ST6GAL1: variants seen among roughly 807,000 people sequenced by gnomAD.
The protein encoded by ST6GAL1 is ST6 beta-galactoside alpha-2,6-sialyltransferase 1, also known as beta-galactoside alpha-2,6-sialyltransferase 1.
A neutral mutation model predicts 38.0 loss-of-function variants in ST6GAL1; 20 were observed. The observed-to-expected ratio is 0.53, with a 90% CI of 0.37 to 0.77. The LOEUF (loss-of-function observed/expected upper bound fraction) is 0.77, where lower values mean the gene tolerates loss of function less well. Ranked by LOEUF, ST6GAL1 falls within the 30% of genes least tolerant of loss-of-function variation. ST6GAL1 has a pLI of 0.00. For synonymous variants in ST6GAL1, 196 were observed against 188.2 expected (o/e 1.04, Z -0.34); for missense variants, 432 against 496.4 (o/e 0.87, Z 1.23).
chr3:187,021,409 G>A (rs911891836), intron 2 of ST6GAL1, among the ~76,000 whole-genome samples: 16 of 152,088 alleles, frequency 1.1e-4, no homozygotes, highest in Admixed American at 5.9e-4. Flanking sequence ...CCCAAGGCAA[G>A]GTTTTTATGT....
At chr3:187,032,332 A>C (rs1306090049) in intron 2 of ST6GAL1, among the ~76,000 whole-genome samples, 1 of 152,106 alleles carries the variant, frequency 6.6e-6, no homozygotes, top group Non-Finnish European at 1.5e-5. Context: ...TGCCAGCTGG[A>C]GGATGGCAGC....
At chr3:187,034,604 A>T (rs909275846) in intron 2 of ST6GAL1, among the ~76,000 whole-genome samples, 7 of 152,174 alleles carry the variant, frequency 4.6e-5, no homozygotes, top group African/African-American at 7.2e-5. Context: ...TTCTACACAG[A>T]CACATTAATA....
intron 1 of ST6GAL1, among the ~76,000 whole-genome samples, chr3:186,933,821 C>T (rs1713846180): frequency 6.6e-6 from 1 of 152,138 alleles, no homozygotes; most frequent in African/African-American, 2.4e-5. Flanking sequence ...TATAACAACA[C>T]CCTTTAAGTC....
chr3:187,051,474 T>G, intron 5 of ST6GAL1, 128 bp downstream of exon 5: 1 of 754,302 alleles, frequency 1.3e-6, no homozygotes, highest in East Asian at 2.7e-5. Context: ...AGTTCCTGAT[T>G]CCTCACTGGA....
chr3:186,944,706 C>T (rs1166067233), intron 1 of ST6GAL1, among the ~76,000 whole-genome samples: 1 of 152,120 alleles, frequency 6.6e-6, no homozygotes, highest in Non-Finnish European at 1.5e-5. Context: ...AAAATCACAG[C>T]CTATGCTGAG....
intron 2 of ST6GAL1, among the ~76,000 whole-genome samples, chr3:187,008,380 G>A (rs1291656538): frequency 1.3e-5 from 2 of 151,422 alleles, no homozygotes; most frequent in African/African-American, 2.4e-5. Flanking sequence ...AGGAAAGGAA[G>A]GAAGGAAGGA....
At chr3:186,955,616 C>T (rs1714721027) in intron 1 of ST6GAL1, among the ~76,000 whole-genome samples, 1 of 152,080 alleles carries the variant, frequency 6.6e-6, no homozygotes, top group Admixed American at 6.5e-5. Flanking sequence ...GATTCTCTTG[C>T]CTCAGCCTCC....
chr3:187,043,381 G>A, intron 4 of ST6GAL1, 71 bp downstream of exon 4: 1 of 1,549,920 alleles, frequency 6.5e-7, no homozygotes, highest in South Asian at 1.2e-5. Context: ...TGGTATGGGA[G>A]ACAAGTGGCC....
chr3:187,058,259 G>A (rs976558025), intron 5 of ST6GAL1, among the ~76,000 whole-genome samples: 1 of 152,162 alleles, frequency 6.6e-6, no homozygotes, highest in African/African-American at 2.4e-5. Context: ...CCTGGGTGAG[G>A]TGATGCCCCA....
intron 2 of ST6GAL1, among the ~76,000 whole-genome samples, chr3:187,022,684 CCCCA>C (rs143722531): frequency 1.9e-3 from 296 of 152,252 alleles, no homozygotes; most frequent in African/African-American, 6.8e-3. Context: ...TGCACGTTTC[CCCCA>C]CCAAAGATGG....
intron 2 of ST6GAL1, among the ~76,000 whole-genome samples, chr3:186,984,760 C>T (rs188065096): frequency 1.4e-3 from 46 of 33,432 alleles, no homozygotes; most frequent in Non-Finnish European, 1.9e-3. Flanking sequence ...CCCTCCCTCC[C>T]TCCCTCCTTC....
At chr3:186,955,377 A>G (rs929846092) in intron 1 of ST6GAL1, among the ~76,000 whole-genome samples, 4 of 152,146 alleles carry the variant, frequency 2.6e-5, no homozygotes, top group African/African-American at 9.7e-5. Context: ...AAGAATGTCA[A>G]TGGTAGTTTA....
At chr3:187,020,757 A>G (rs900531360) in intron 2 of ST6GAL1, among the ~76,000 whole-genome samples, 6 of 152,200 alleles carry the variant, frequency 3.9e-5, no homozygotes, top group African/African-American at 1.4e-4. Context: ...TGTAGCTTAG[A>G]GAAAACACAA....
chr3:186,977,346 C>T (rs915035879), intron 2 of ST6GAL1, among the ~76,000 whole-genome samples: 5 of 152,216 alleles, frequency 3.3e-5, no homozygotes, highest in African/African-American at 1.2e-4. Context: ...CTGATAAAGG[C>T]GAGCTATTTT....
chr3:186,981,659 C>T (rs192815341), intron 2 of ST6GAL1, among the ~76,000 whole-genome samples: 36 of 152,240 alleles, frequency 2.4e-4, no homozygotes, highest in African/African-American at 8.7e-4. Context: ...TCTCAAGGTC[C>T]ATTTTTGGGC....
intron 2 of ST6GAL1, among the ~76,000 whole-genome samples, chr3:187,015,862 A>G: frequency 6.6e-6 from 1 of 152,132 alleles, no homozygotes; most frequent in Non-Finnish European, 1.5e-5. Flanking sequence ...AAAAATAAAT[A>G]AAAGAGTACA....
intron 2 of ST6GAL1, among the ~76,000 whole-genome samples, chr3:187,023,502 A>G (rs1717402097): frequency 6.6e-6 from 1 of 152,200 alleles, no homozygotes; most frequent in Admixed American, 6.5e-5. Flanking sequence ...TCCAACAATG[A>G]TAGACTGGAT....
At chr3:186,990,339 C>T (rs1288577302) in intron 2 of ST6GAL1, among the ~76,000 whole-genome samples, 1 of 152,218 alleles carries the variant, frequency 6.6e-6, no homozygotes, top group Non-Finnish European at 1.5e-5. Context: ...TGGCCTAAAG[C>T]TTCTCATCTC....
At chr3:187,040,327 C>T (rs926232550) in intron 3 of ST6GAL1, among the ~76,000 whole-genome samples, 3 of 152,154 alleles carry the variant, frequency 2.0e-5, no homozygotes, top group East Asian at 3.9e-4. Flanking sequence ...GGCTTGTCTG[C>T]GACTGTCTGA....
Sources: gnomAD v4.1 joint callset for allele counts (sites outside exome capture counted in the v4.1 genomes callset) on GRCh38, gnomAD v4.1.1 for gene constraint, MANE v1.5 for transcripts, NCBI Gene and HGNC (gene_info 2026-07-23, HGNC 2026-07-21) for gene names.